PRB4: variants seen among roughly 807,000 people sequenced by gnomAD.
PRB4 encodes proline rich protein BstNI subfamily 4.
A neutral mutation model predicts 9.1 loss-of-function variants in PRB4; 14 were observed. The ratio of observed to expected loss-of-function variants is 1.54; its 90% CI spans 1.02 to 2.41. PRB4 has a LOEUF of 2.41. Among genes scored for constraint, PRB4 ranks in the 30% most tolerant of loss-of-function variants. The probability of loss-of-function intolerance (pLI) is 0.00; values close to 1 mark genes in which losing one functional copy is unlikely to be tolerated. For synonymous variants in PRB4, 102 were observed against 108.5 expected, an observed-to-expected ratio of 0.94 and a Z score of 0.37; for missense variants, 381 against 299.3, an observed-to-expected ratio of 1.27 and a Z score of -2.02.
At chr12:11,308,969 A>G in intron 2 of PRB4, 87 bp from the exon 3 acceptor site, 1 of 1,546,746 alleles carries the variant, frequency 6.5e-7, no homozygotes, top group Non-Finnish European at 8.9e-7. Flanking sequence ...AATGCACAAA[A>G]ATGAGACCCA....
Position 11,308,374 on chromosome 12 carries a change from T to A in PRB4, c.609A>T (p.Pro203=), listed in dbSNP as rs139306953. ...TGCCTCCTGCTGGGGGTGGGCCTTGTGGCTTTCCAGGAGGTGGGGGACCTT... is the reference window on the plus strand; with the variant it reads ...TGCCTCCTGCTGGGGGTGGGCCTTGAGGCTTTCCAGGAGGTGGGGGACCTT... The part of the protein sequence containing the change: ...KPQGPPPPGK[P]QGPPPAGGNP... The change falls in exon 3 of 4, where the codon CCA becomes CCT. Residue 203 remains proline, a synonymous_variant. Transcript: ENST00000279575. 2 of 1,600,982 alleles carry A rather than the reference T, an allele frequency of 1.2e-6. No homozygotes were observed. The highest frequency in any genetic ancestry group is 1.7e-6 in the Non-Finnish European group (2 of 1,169,414).
chr12:11,308,377 C>A lies in PRB4; in HGVS notation c.606G>T (p.Lys202Asn). The A allele has an allele frequency of 6.2e-7, 1 of 1,602,268 alleles. No individual in the cohort carries two copies. Among genetic ancestry groups the A allele is most frequent in the South Asian group, 1.1e-5 (1 of 90,594 alleles). Reference sequence around the variant, plus strand: ...CTCCTGCTGGGGGTGGGCCTTGTGGCTTTCCAGGAGGTGGGGGACCTTGAG... The same window carrying A: ...CTCCTGCTGGGGGTGGGCCTTGTGGATTTCCAGGAGGTGGGGGACCTTGAG... The part of the protein sequence containing the change: ...NKPQGPPPPG[K>N]PQGPPPAGGN... The change falls in exon 3 of 4, where the codon AAG becomes AAT. Residue 202 changes from lysine to asparagine, a missense_variant. By Grantham distance (94) the Lys-to-Asn change is moderately conservative. Transcript: ENST00000279575.
Position 11,310,416 on chromosome 12 carries a change from A to G in PRB4, c.-18T>C, listed in dbSNP as rs1471515127. On this transcript the variant is annotated 5_prime_UTR_variant, in exon 1 of 4. Transcript: ENST00000279575. ...AGCAGCATCTCGCTGGAGGCTCTGG[A>G]GTCACTCCCAACTCTGTGCTGGGAG... is the stretch of plus-strand genomic sequence containing the variant. 2 of 1,614,188 alleles carry G rather than the reference A, an allele frequency of 1.2e-6. No individual in the cohort carries two copies. Among genetic ancestry groups the G allele is most frequent in the Admixed American group, 1.7e-5 (1 of 60,024 alleles).
chr12:11,310,090 CTA>C (rs1199948888), intron 1 of PRB4, among the ~76,000 whole-genome samples: 1 of 152,188 alleles, frequency 6.6e-6, no homozygotes, highest in Non-Finnish European at 1.5e-5. Context: ...CAGCACAGTT[CTA>C]TCTCTATAAA....
Position 11,308,873 on chromosome 12 carries a change from T to C in PRB4, c.110A>G (p.Glu37Gly). ...GTTTCCTCCTTGTGGGCGTCGTCCT[T>C]CTGGCTTTCCTGGAGGAGGTGGGGG... ...ESLFLISGKP[E>G]GRRPQGGNQP... The change falls in exon 3 of 4, where the codon GAA (glutamate) becomes GGA (glycine). Residue 37 changes from glutamate (E) to glycine (G), a missense_variant. This residue lies in a region of PRB4 where 151 missense variants were observed against 105.8 expected (regional missense o/e 1.43). Transcript: ENST00000279575. The C allele has an allele frequency of 6.3e-7, 1 of 1,581,838 alleles. No individual in the cohort carries two copies. Among genetic ancestry groups the C allele is most frequent in the Non-Finnish European group, 8.6e-7 (1 of 1,157,210 alleles).
rs1274310584 is a variant in PRB4, at chr12:11,310,395, G to C, written c.4C>G (p.Leu2Val). 6.2e-7 allele frequency: 1 copy of C among 1,614,126 alleles called. No homozygotes were observed. The highest frequency in any genetic ancestry group is 1.3e-5 in the African/African-American group (1 of 74,938). MLLILLSVALLA... is the reference protein window; with the variant it reads MVLILLSVALLA... ...AGGGCCACTGACAGCAGAATCAGCA[G>C]CATCTCGCTGGAGGCTCTGGAGTCA... Residue 2 changes from leucine (L) to valine (V), a missense_variant, in exon 1 of 4, where the codon CTG becomes GTG. Transcript: ENST00000279575.
intron 3 of PRB4, among the ~76,000 whole-genome samples, chr12:11,307,878 C>G (rs1401924165): frequency 6.6e-6 from 1 of 152,284 alleles, no homozygotes; most frequent in South Asian, 2.1e-4. Context: ...TGGTGTGAGG[C>G]AGGACTGAGC....
At chr12:11,310,202 C>G (rs1052799167) in intron 1 of PRB4, 133 bp downstream of exon 1, 3 of 1,093,506 alleles carry the variant, frequency 2.7e-6, no homozygotes, top group South Asian at 2.5e-5. Flanking sequence ...GAGGGCACAA[C>G]AGGTCTCCTG....
chr12:11,308,838 G>T lies in PRB4; in HGVS notation c.145C>A (p.Arg49Ser). Residue 49 changes from arginine to serine, a missense_variant, in exon 3 of 4, where the codon CGT (arginine) becomes AGT (serine). Physicochemically the swap from Arg to Ser is moderately radical, Grantham distance 110. Around this residue, in one of 3 missense-constraint regions of PRB4, gnomAD observed 151 missense variants for 105.8 expected, o/e 1.43. Transcript: ENST00000279575. ...GGCTTTCCTGGAGGAGGTGGGGGAC[G>T]TTGGGGCTGGTTTCCTCCTTGTGGG... is the stretch of plus-strand genomic sequence containing the variant. Reference protein sequence around the residue: ...RRPQGGNQPQRPPPPPGKPQG... With the variant: ...RRPQGGNQPQSPPPPPGKPQG... 2.6e-6 allele frequency: 4 copies of T among 1,543,996 alleles called. No homozygotes were observed. The highest frequency in any genetic ancestry group is 1.1e-5 in the South Asian group (1 of 88,198).
intron 2 of PRB4, among the ~76,000 whole-genome samples, chr12:11,309,136 G>A (rs1862995504): frequency 6.6e-6 from 1 of 152,110 alleles, no homozygotes; most frequent in Admixed American, 6.5e-5. Context: ...TCCTGGCCAG[G>A]GGGATGTCAA....
chr12:11,309,720 C>G (rs1592190236), intron 1 of PRB4, among the ~76,000 whole-genome samples: 1 of 152,160 alleles, frequency 6.6e-6, no homozygotes, highest in East Asian at 1.9e-4. Context: ...TTCTTATGCC[C>G]TCCATCTCCT....
intron 2 of PRB4, 54 bp downstream of exon 2, chr12:11,309,316 A>T (rs1248974904): frequency 2.0e-5 from 33 of 1,613,478 alleles, no homozygotes; most frequent in Non-Finnish European, 2.6e-5. Context: ...GAAATGATCC[A>T]TTTGTAAGCA....
Position 11,308,355 on chromosome 12 carries a change from C to A in PRB4, c.628G>T (p.Gly210Ter), listed in dbSNP as rs773755825. Residue 210 changes from glycine (G) to a stop codon, truncating the protein, a stop_gained, in exon 3 of 4, where the codon GGA becomes TGA. Transcript: ENST00000279575. LOFTEE classifies it low-confidence loss of function (END_TRUNC). Reference protein sequence around the residue: ...PGKPQGPPPAGGNPQQPQAPP... With the variant: ...PGKPQGPPPA ...GCCTGAGGCTGCTGGGGATTGCCTC[C>A]TGCTGGGGGTGGGCCTTGTGGCTTT... is the stretch of plus-strand genomic sequence containing the variant. The A allele has an allele frequency of 6.2e-6, 10 of 1,609,874 alleles. No individual in the cohort carries two copies. The highest frequency in any genetic ancestry group is 8.5e-6 in the Non-Finnish European group (10 of 1,177,116).
In PRB4 at chr12:11,309,253, G is replaced by A. The variant is rs1004173146; in HGVS notation, c.100+117C>T. The A allele has an allele frequency of 6.5e-6, 10 of 1,540,156 alleles. No homozygotes were observed. In the African/African-American group the frequency reaches 8.2e-5, roughly 13 times the overall value. ...ATGAAGATTGCCTATATCATTAGGG[G>A]CAATAACATTAATCAATTCCTGAAA... On this transcript the variant is annotated intron_variant, in intron 2 of 3. Coordinates refer to ENST00000279575, the MANE Select transcript of PRB4 (RefSeq NM_002723.6).
rs1326779943 is a variant in PRB4, at chr12:11,308,779, G to A, written c.204C>T (p.Ser68=). The A allele has an allele frequency of 1.9e-6, 3 of 1,594,032 alleles. No homozygotes were observed. Among genetic ancestry groups the A allele is most frequent in the Non-Finnish European group, 2.6e-6 (3 of 1,168,232 alleles). ...TTCCTGGAGGAGGTGGGGGACCTTG[G>A]GACTGGTTTCCTCCTTGTGGGGGTG... The part of the protein sequence containing the change: ...QGPPPQGGNQ[S]QGPPPPPGKP... Residue 68 remains serine (S), a synonymous_variant, in exon 3 of 4, where the codon TCC becomes TCT. Coordinates refer to ENST00000279575, the MANE Select transcript of PRB4 (RefSeq NM_002723.6).
Position 11,307,186 on chromosome 12 carries a change from T to C in PRB4, c.*32A>G, listed in dbSNP as rs564359389. 3 of 153,200 alleles carry C rather than the reference T, an allele frequency of 2.0e-5. No homozygotes were observed. The highest frequency in any genetic ancestry group is 7.2e-5 in the African/African-American group (3 of 41,608). The allele number at this position is 153,200 out of a possible 1,614,324, so 9.5% of individuals were successfully genotyped here. On this transcript the variant is annotated 3_prime_UTR_variant, in exon 4 of 4. Coordinates refer to ENST00000279575, the MANE Select transcript of PRB4 (RefSeq NM_002723.6). ...TGAATTATTTGAATTCACTGATATC[T>C]TCTTATTCACTTCCTGAAATAAACA... is the stretch of plus-strand genomic sequence containing the variant.
At chr12:11,309,219 C>A in intron 2 of PRB4, 151 bp downstream of exon 2, 1 of 1,377,842 alleles carries the variant, frequency 7.3e-7, no homozygotes, top group South Asian at 1.3e-5. Context: ...TCCCCAGAAT[C>A]AAGTTTGCAT....
In PRB4 at chr12:11,309,405, T is replaced by A. The variant is rs1446886951; in HGVS notation, c.65A>T (p.Asp22Val). Residue 22 changes from aspartate (D) to valine (V), a missense_variant and splice_region_variant, in exon 2 of 4, where the codon GAT becomes GTT. Asp to Val is a radical substitution (Grantham distance 152). This residue lies in a region of PRB4 where 151 missense variants were observed against 105.8 expected (regional missense o/e 1.43). Transcript: ENST00000279575. ...ALSSAESSSE[D>V]VSQEESLFLI... ...GAAGAGAGATTCTTCCTGGCTGACA[T>A]CTAGAAGAGAAGCACAGGATGATGG... 6.2e-7 allele frequency: 1 copy of A among 1,614,102 alleles called. No individual in the cohort carries two copies.
At chr12:11,307,861 G>T (rs189063606) in intron 3 of PRB4, among the ~76,000 whole-genome samples, 1 of 152,204 alleles carries the variant, frequency 6.6e-6, no homozygotes, top group Non-Finnish European at 1.5e-5. Flanking sequence ...TACTGGACTC[G>T]AGAGGCTGGT....
Sources: gnomAD v4.1 joint callset for allele counts (sites outside exome capture counted in the v4.1 genomes callset) on GRCh38, gnomAD v4.1.1 for gene constraint, gnomAD v4.1.1 regional missense constraint, MANE v1.5 for transcripts, NCBI Gene and HGNC (gene_info 2026-07-23, HGNC 2026-07-21) for gene names.